Variants in ARRDC5 observed in about 807,000 individuals in gnomAD.
ARRDC5 encodes the protein arrestin domain containing 5.
ARRDC5 carries 12 observed loss-of-function variants against 13.3 expected under a neutral mutation model. The observed-to-expected ratio is 0.90, with a 90% CI of 0.58 to 1.46. The LOEUF is 1.46. ARRDC5 is among the 40% of genes most tolerant of loss of function. The pLI, the probability that ARRDC5 is intolerant of heterozygous loss-of-function variation, is 0.00. For missense variants in ARRDC5, 406 were observed against 418.7 expected, an observed-to-expected ratio of 0.97 and a Z score of 0.26; for synonymous variants, 181 against 173.4, an observed-to-expected ratio of 1.04 and a Z score of -0.34.
intron 1 of ARRDC5, among the ~76,000 whole-genome samples, chr19:4,900,178 C>T (rs2031871617): frequency 8.4e-6 from 1 of 119,560 alleles, no homozygotes; most frequent in South Asian, 2.8e-4. Flanking sequence ...GACGGAGTCT[C>T]GCTTTGTTGC....
At chr19:4,911,186 A>G in the ARRDC5 span, 1 of 749,476 alleles carries the variant, frequency 1.3e-6, no homozygotes, top group Non-Finnish European at 2.0e-6. Flanking sequence ...AAGTCCACAG[A>G]AACCTCAAAT....
the ARRDC5 span, among the ~76,000 whole-genome samples, chr19:4,915,072 C>T: frequency 1.3e-5 from 2 of 152,250 alleles, no homozygotes; most frequent in Non-Finnish European, 1.5e-5. Flanking sequence ...ATGACAACCA[C>T]AAATATTCCC....
the ARRDC5 span, chr19:4,911,120 C>T: frequency 1.8e-5 from 23 of 1,297,650 alleles, no homozygotes; most frequent in African/African-American, 3.3e-4. Flanking sequence ...CTTTCTCCCT[C>T]CCACCTCCCC....
the ARRDC5 span, chr19:4,909,476 G>C: frequency 1.5e-6 from 1 of 652,738 alleles, no homozygotes. Flanking sequence ...ACTCCCAAAT[G>C]CCGAGTTTTC....
chr19:4,909,752 G>A, the ARRDC5 span: 4 of 487,772 alleles, frequency 8.2e-6, no homozygotes, highest in African/African-American at 6.2e-5. Flanking sequence ...CCGGGCGCAC[G>A]CATGTCCCGC....
At chr19:4,907,698 C>T (rs2032093466), upstream of ARRDC5, among the ~76,000 whole-genome samples, 1 of 140,746 alleles carries the variant, frequency 7.1e-6, no homozygotes, top group Admixed American at 7.7e-5. Flanking sequence ...TGCCTCTTGG[C>T]CTGATCTTTT....
At chr19:4,909,554 C>A in the ARRDC5 span, 4 of 658,890 alleles carry the variant, frequency 6.1e-6, no homozygotes, top group South Asian at 6.3e-5. Context: ...CTCCGGGTCG[C>A]ACGCAAGTCC....
chr19:4,900,062 T>C (rs114561819), intron 1 of ARRDC5, among the ~76,000 whole-genome samples: 12,065 of 148,888 alleles, frequency 0.081, 589 homozygotes, highest in Admixed American at 0.18. Flanking sequence ...GCAACCTCCG[T>C]CTCCCTTGGC....
At chr19:4,905,184 T>G (rs1263625616), upstream of ARRDC5, among the ~76,000 whole-genome samples, 2 of 144,600 alleles carry the variant, frequency 1.4e-5, no homozygotes, top group Non-Finnish European at 3.0e-5. Flanking sequence ...TGGTGTGATC[T>G]CGGCTCACTG....
chr19:4,906,465 C>T (rs1599228188), upstream of ARRDC5, among the ~76,000 whole-genome samples: 1 of 152,080 alleles, frequency 6.6e-6, no homozygotes. Context: ...ATGAAGAATG[C>T]ATGCCCAGCC....
At chr19:4,899,928 A>C (rs2031861538) in intron 1 of ARRDC5, among the ~76,000 whole-genome samples, 1 of 148,466 alleles carries the variant, frequency 6.7e-6, no homozygotes, top group Non-Finnish European at 1.5e-5. Flanking sequence ...GACAGAGGAG[A>C]CTCCGTCTCC....
In ARRDC5 at chr19:4,893,115, T is replaced by C. The variant is rs186042047; in HGVS notation, c.460-1542A>G. 4.3e-3 allele frequency among the ~76,000 whole-genome samples: 606 copies of C among 140,676 alleles called. 4 individuals carry two copies. Among genetic ancestry groups the C allele is most frequent in the Non-Finnish European group, 6.9e-3 (458 of 66,118 alleles). 92.3% of individuals were successfully genotyped at this position (140,676 alleles called of 152,430 possible). A position where few individuals can be genotyped will look rare whatever the true frequency, so the allele number is the denominator to read the frequency against. On this transcript the variant is annotated intron_variant, in intron 2 of 2. Transcript: ENST00000650722. Reference sequence around the variant, plus strand: ...AGACTCCGTCTCAAAAATAAATATATATATTATAATAATATAATATATATT... The same window carrying C: ...AGACTCCGTCTCAAAAATAAATATACATATTATAATAATATAATATATATT...
At chr19:4,909,874 G>C in the ARRDC5 span, 3 of 379,920 alleles carry the variant, frequency 7.9e-6, no homozygotes, top group East Asian at 1.2e-4. Flanking sequence ...GCCCGGCGGG[G>C]GGTCGAGCGC....
intron 2 of ARRDC5, among the ~76,000 whole-genome samples, chr19:4,892,030 G>A (rs1176896536): frequency 1.3e-5 from 2 of 151,778 alleles, no homozygotes; most frequent in African/African-American, 4.8e-5. Context: ...GGAAGCCTAG[G>A]GATTTTGCAG....
At chr19:4,905,267 C>G (rs2032043134), upstream of ARRDC5, among the ~76,000 whole-genome samples, 1 of 150,716 alleles carries the variant, frequency 6.6e-6, no homozygotes, top group Non-Finnish European at 1.5e-5. Context: ...CAGGCATGTG[C>G]CACCATGCCC....
the ARRDC5 span, among the ~76,000 whole-genome samples, chr19:4,914,155 C>T: frequency 2.0e-4 from 30 of 152,050 alleles, no homozygotes; most frequent in African/African-American, 6.8e-4. Context: ...GAGATCGTGT[C>T]GTTGCTTCTG....
intron 2 of ARRDC5, among the ~76,000 whole-genome samples, chr19:4,895,356 G>A (rs1599212438): frequency 7.2e-6 from 1 of 139,626 alleles, no homozygotes; most frequent in African/African-American, 2.6e-5. Flanking sequence ...CTGGGAGGCA[G>A]AGGTTGTATT....
At position 4,891,254 on chromosome 19, in the gene ARRDC5, G is replaced by A. The variant is rs61743208; in HGVS notation, c.779C>T (p.Pro260Leu). Residue 260 changes from proline (P) to leucine (L), a missense_variant, in exon 3 of 3, where the codon CCG (proline) becomes CTG (leucine). By Grantham distance (98) the Pro-to-Leu change is moderately conservative (BLOSUM62 -3). Transcript: ENST00000650722. ...GCTGCTGCTCACGGACAGCAGCAAC[G>A]GCAGGTTGAAGGTGCTGACAACCTT... is the stretch of plus-strand genomic sequence containing the variant. Reference protein sequence around the residue: ...TTKVVSTFNLPLLLSVSSSTQ... With the variant: ...TTKVVSTFNLLLLLSVSSSTQ... The A allele has an allele frequency of 1.3e-5, 21 of 1,613,808 alleles. No individual in the cohort carries two copies. Among genetic ancestry groups the A allele is most frequent in the African/African-American group, 5.3e-5 (4 of 74,916 alleles).
intron 2 of ARRDC5, among the ~76,000 whole-genome samples, chr19:4,896,152 T>C (rs1334814315): frequency 6.6e-6 from 1 of 151,644 alleles, no homozygotes; most frequent in Non-Finnish European, 1.5e-5. Context: ...CTGTCTCTAC[T>C]AAAAATACAA....
Sources: gnomAD v4.1 joint callset for allele counts (sites outside exome capture counted in the v4.1 genomes callset) on GRCh38, gnomAD v4.1.1 for gene constraint, MANE v1.5 for transcripts, NCBI Gene and HGNC (gene_info 2026-07-23, HGNC 2026-07-21) for gene names.